Variants in PML observed in about 807,000 individuals in gnomAD.
PML encodes protein PML.
In PML, 28 loss-of-function variants were observed where a neutral mutation model predicts 65.2. The ratio of observed to expected loss-of-function variants is 0.43; its 90% confidence interval spans 0.32 to 0.59. The LOEUF is 0.59. PML is among the 20% of genes least tolerant of loss of function. PML has a pLI of 0.08. For synonymous variants in PML, 500 were observed against 508.8 expected (o/e 0.98, Z 0.23); for missense variants, 1,021 against 1,203.4 (o/e 0.85, Z 2.24).
chr15:74,035,529 G>A lies in PML; in HGVS notation c.1710+999G>A, dbSNP rs2071514033. 1 of 1,611,034 alleles carries A rather than the reference G, an allele frequency of 6.2e-7. No homozygotes were observed. Reference sequence around the variant, plus strand: ...CCCTATTCGGACTTGGTCTCCCCATGTGGTCCAAGCCAGCACTCCTGCCAT... The same window carrying A: ...CCCTATTCGGACTTGGTCTCCCCATATGGTCCAAGCCAGCACTCCTGCCAT... On this transcript the variant is annotated intron_variant, in intron 7 of 8. Transcript: ENST00000268058. The surrounding 1 kb of genome is among the most constrained non-coding windows in gnomAD (Gnocchi z 4.1).
chr15:74,018,864 T>C (rs1003572260), intron 2 of PML, among the ~76,000 whole-genome samples: 3 of 152,356 alleles, frequency 2.0e-5, no homozygotes, highest in African/African-American at 7.2e-5. Flanking sequence ...TTTCTGAAGA[T>C]ACGGTTAAGT....
At chr15:74,036,004 G>C in intron 7 of PML, 1 of 1,614,076 alleles carries the variant, frequency 6.2e-7, no homozygotes, top group Non-Finnish European at 8.5e-7. Flanking sequence ...CCCGGCCCCT[G>C]AGCTGCCTCC....
intron 4 of PML, chr15:74,027,770 A>G (rs1335379210): frequency 1.3e-5 from 2 of 152,256 alleles, no homozygotes; most frequent in African/African-American, 4.8e-5. Flanking sequence ...AACTTGGAGT[A>G]TCAGAGGGTT....
At chr15:74,021,938 G>A (rs2070853341) in intron 2 of PML, among the ~76,000 whole-genome samples, 1 of 152,172 alleles carries the variant, frequency 6.6e-6, no homozygotes, top group African/African-American at 2.4e-5. Flanking sequence ...GAAGTTCAAA[G>A]TAATTATATG....
At chr15:74,032,955 CAGCAG>C (rs1248240186) in intron 5 of PML, among the ~76,000 whole-genome samples, 196 bp from the exon 6 acceptor site, 1 of 152,230 alleles carries the variant, frequency 6.6e-6, no homozygotes, top group Non-Finnish European at 1.5e-5. Context: ...TGTCAGAGGC[CAGCAG>C]AGACTGGTGG....
At position 74,009,801 on chromosome 15, in the gene PML, C is replaced by G. The variant is rs146620437; in HGVS notation, c.602+11325C>G. Among the ~76,000 whole-genome samples the G allele has an allele frequency of 1.2e-3, 184 of 152,266 alleles. 4 individuals are homozygous for G. The East Asian group carries it at 0.031, about 25-fold the overall frequency. On this transcript the variant is annotated intron_variant, in intron 2 of 8. Transcript: ENST00000268058. ...GTCTCGAACTCCTGGGCTCCACCCA[C>G]CTCGGCTTCTCAAAGTGCTGTGATT...
chr15:74,008,489 A>G (rs1195507362), intron 2 of PML, among the ~76,000 whole-genome samples: 1 of 152,188 alleles, frequency 6.6e-6, no homozygotes, highest in Non-Finnish European at 1.5e-5. Flanking sequence ...CTGTAATCCC[A>G]GCACTTTGGG....
intron 2 of PML, among the ~76,000 whole-genome samples, chr15:74,005,089 C>G (rs1300886812): frequency 6.6e-6 from 1 of 151,940 alleles, no homozygotes; most frequent in Non-Finnish European, 1.5e-5. Context: ...GGGTCTCACT[C>G]TCACCCAGGC....
chr15:74,016,954 G>A (rs1463605461), intron 2 of PML, among the ~76,000 whole-genome samples: 1 of 151,734 alleles, frequency 6.6e-6, no homozygotes, highest in African/African-American at 2.4e-5. Flanking sequence ...ATGCCACCAT[G>A]CCCGGCCAAT....
intron 7 of PML, chr15:74,041,183 T>C (rs1381514925): frequency 6.6e-6 from 1 of 152,276 alleles, no homozygotes; most frequent in Non-Finnish European, 1.5e-5. Flanking sequence ...GGTGGCAGCA[T>C]GGACTCAGCC....
At chr15:74,044,138 C>T (rs1283481201) in intron 8 of PML, 83 bp from the exon 9 acceptor site, 1 of 1,377,728 alleles carries the variant, frequency 7.3e-7, no homozygotes. Flanking sequence ...GATGGTGAGT[C>T]AGCAGCCCTA....
Position 74,043,634 on chromosome 15 carries a change from CA to C in PML, c.1861+498del. ...TCCTCCAGTGCTTGCCCTGGCTCTG[CA>C]AATGCCCCTCCTTGAGCCAGAGCCC... On this transcript the variant is annotated intron_variant, in intron 8 of 8. Coordinates refer to ENST00000268058, the MANE Select transcript of PML (RefSeq NM_033238.3). The surrounding 1 kb of genome is among the most constrained non-coding windows in gnomAD (Gnocchi z 4.3). 1 of 489,206 alleles carries C rather than the reference CA, an allele frequency of 2.0e-6. No homozygotes were observed. Among genetic ancestry groups the C allele is most frequent in the South Asian group, 1.6e-5 (1 of 62,050 alleles). The allele number at this position is 489,206 out of a possible 1,614,324, so 30.3% of individuals were successfully genotyped here. A position where few individuals can be genotyped will look rare whatever the true frequency, so the allele number is the denominator to read the frequency against.
At chr15:73,995,823 C>T (rs1241553118) in intron 1 of PML, among the ~76,000 whole-genome samples, 2 of 152,104 alleles carry the variant, frequency 1.3e-5, no homozygotes, top group African/African-American at 2.4e-5. Context: ...GGTGCGATCT[C>T]GGCTCACTGC....
rs1262379239 is a variant in PML at position 74,024,907 on chromosome 15, G to A, written c.1234G>A (p.Asp412Asn). 4 of 1,613,350 alleles carry A rather than the reference G, an allele frequency of 2.5e-6. No individual in the cohort carries two copies. Among genetic ancestry groups the A allele is most frequent in the African/African-American group, 1.3e-5 (1 of 74,876 alleles). Residue 412 changes from aspartate to asparagine, a missense_variant, in exon 4 of 9, where the codon GAC (aspartate) becomes AAC (asparagine). By Grantham distance (23) the Asp-to-Asn change is conservative. Transcript: ENST00000268058. ...ASPEAASTPR[D>N]PIDVDLPEEA... Reference sequence around the variant, plus strand: ...CCCAGAGGCTGCCAGCACTCCCAGGGACCCTATTGACGTTGACCTGGTGAG... The same window carrying A: ...CCCAGAGGCTGCCAGCACTCCCAGGAACCCTATTGACGTTGACCTGGTGAG...
Position 74,043,005 on chromosome 15 carries a change from A to G in PML, c.1727A>G (p.Asp576Gly), listed in dbSNP as rs2071726666. Residue 576 changes from aspartate (D) to glycine (G), a missense_variant, in exon 8 of 9, where the codon GAT becomes GGT. Asp to Gly is a moderately conservative substitution (Grantham distance 94). Coordinates refer to ENST00000268058, the MANE Select transcript of PML (RefSeq NM_033238.3). This position sits in a 1 kb window ranked among gnomAD's most constrained non-coding sequence, Gnocchi z 4.3. ...DAENSSSREL[D>G]DSSSESSDLQ... is the part of the protein sequence containing the mutation. ...GTGTTGCAGTCCTCCCGAGAGCTGG[A>G]TGACAGCAGCAGTGAGTCCAGTGAC... 1.2e-6 allele frequency: 2 copies of G among 1,613,542 alleles called. No homozygotes were observed. Among genetic ancestry groups the G allele is most frequent in the African/African-American group, 1.3e-5 (1 of 74,740 alleles).
chr15:74,010,185 ATTT>A (rs536738558), intron 2 of PML, among the ~76,000 whole-genome samples: 20 of 77,932 alleles, frequency 2.6e-4, no homozygotes, highest in East Asian at 8.9e-4. Context: ...TGCCCAGCTA[ATTT>A]TTTTTTTTTT....
At chr15:74,007,118 G>A (rs2070098962) in intron 2 of PML, among the ~76,000 whole-genome samples, 1 of 152,230 alleles carries the variant, frequency 6.6e-6, no homozygotes, top group African/African-American at 2.4e-5. Context: ...CTTCGTGGCT[G>A]TAAAACTTCC....
In PML at chr15:74,037,451, C is replaced by G; in HGVS notation, c.1710+2921C>G. The G allele has an allele frequency of 6.1e-6, 6 of 985,416 alleles. No homozygotes were observed. Among genetic ancestry groups the G allele is most frequent in the Non-Finnish European group, 7.2e-6 (6 of 829,922 alleles). 61.0% of individuals were successfully genotyped at this position (985,416 alleles called of 1,614,324 possible). On this transcript the variant is annotated intron_variant, in intron 7 of 8. Transcript: ENST00000268058. The surrounding 1 kb of genome is among the most constrained non-coding windows in gnomAD (Gnocchi z 4.2). ...TCTCTTGCATCTTCTAATGTATCCACTGCCTTCTGAACTAAACACCCTGAA... is the reference window on the plus strand; with the variant it reads ...TCTCTTGCATCTTCTAATGTATCCAGTGCCTTCTGAACTAAACACCCTGAA...
At position 74,044,282 on chromosome 15, in the gene PML, G is replaced by A; in HGVS notation, c.1923G>A (p.Gln641=). 5 of 1,614,056 alleles carry A rather than the reference G, an allele frequency of 3.1e-6. No individual in the cohort carries two copies. Among genetic ancestry groups the A allele is most frequent in the Non-Finnish European group, 4.2e-6 (5 of 1,180,004 alleles). Residue 641 remains glutamine, a synonymous_variant, in exon 9 of 9, where the codon CAG becomes CAA. Transcript: ENST00000268058. ...AAAGCAAGTTCCGCGTGGTCATCCA[G>A]CCTGAAGCCTTCTTCAGCATCTACT... ...NRESKFRVVI[Q]PEAFFSIYSK...
Sources: allele counts gnomAD v4.1 joint callset (sites outside exome capture counted in the v4.1 genomes callset), GRCh38; gene constraint gnomAD v4.1.1; non-coding constraint Gnocchi (gnomAD v3.1); transcripts MANE v1.5; gene names NCBI Gene and HGNC (gene_info 2026-07-23, HGNC 2026-07-21).